TRMT11: variants seen among roughly 807,000 people sequenced by gnomAD.
The protein encoded by TRMT11 is tRNA methyltransferase 11, also known as tRNA (guanine(10)-N(2))-methyltransferase TRMT11.
A neutral mutation model predicts 62.8 loss-of-function variants in TRMT11; 53 were observed. The observed-to-expected ratio is 0.84, with a 90% CI of 0.68 to 1.06. TRMT11 has a LOEUF of 1.06. Ranked by LOEUF, TRMT11 falls within the 50% of genes least tolerant of loss-of-function variation. The pLI is 0.00. For missense variants in TRMT11, 556 were observed against 553.4 expected (o/e 1.00, Z -0.05); for synonymous variants, 188 against 190.3 (o/e 0.99, Z 0.10).
rs1775724040 is a variant in TRMT11, at chr6:126,038,950, A to G, written c.*114A>G. On this transcript the variant is annotated 3_prime_UTR_variant, in exon 13 of 13. Coordinates refer to ENST00000334379, the MANE Select transcript of TRMT11 (RefSeq NM_001031712.3). ...GGTACGGTTTTAAAATATTTTATAT[A>G]GAAAAGCTACAAAGTAAATTGAGCA... The G allele has an allele frequency of 2.3e-6, 2 of 888,140 alleles. No homozygotes were observed. Among genetic ancestry groups the G allele is most frequent in the African/African-American group, 1.7e-5 (1 of 57,712 alleles). 55.0% of individuals were successfully genotyped at this position (888,140 alleles called of 1,614,324 possible). A position where few individuals can be genotyped will look rare whatever the true frequency, so the allele number is the denominator to read the frequency against.
chr6:126,238,413 T>G, the TRMT11 span, among the ~76,000 whole-genome samples: 1 of 152,200 alleles, frequency 6.6e-6, no homozygotes, highest in African/African-American at 2.4e-5. Context: ...ATGTTGTATC[T>G]TTGTTCTCGT....
chr6:126,162,303 A>C (rs1318487035), intron 21 of TRMT11, among the ~76,000 whole-genome samples: 1 of 152,178 alleles, frequency 6.6e-6, no homozygotes, highest in Non-Finnish European at 1.5e-5. Flanking sequence ...TCCCAACACC[A>C]TTTATTAAAC....
At chr6:126,093,012 A>G (rs908554051) in intron 17 of TRMT11, among the ~76,000 whole-genome samples, 23 of 152,288 alleles carry the variant, frequency 1.5e-4, no homozygotes, top group African/African-American at 5.5e-4. Flanking sequence ...AATTTGTGGG[A>G]AAAGGAATGT....
At chr6:126,228,264 G>A in the TRMT11 span, among the ~76,000 whole-genome samples, 1 of 152,220 alleles carries the variant, frequency 6.6e-6, no homozygotes, top group African/African-American at 2.4e-5. Context: ...TGTGATCTGA[G>A]GCTAGGGAGA....
At chr6:126,068,504 C>T (rs1776754699) in intron 17 of TRMT11, among the ~76,000 whole-genome samples, 1 of 152,150 alleles carries the variant, frequency 6.6e-6, no homozygotes, top group South Asian at 2.1e-4. Flanking sequence ...ATCTATGTCC[C>T]ACTGCTTGGC....
At chr6:126,110,194 T>C (rs1037943661) in intron 17 of TRMT11, among the ~76,000 whole-genome samples, 1 of 152,126 alleles carries the variant, frequency 6.6e-6, no homozygotes, top group African/African-American at 2.4e-5. Flanking sequence ...GCATTATTAT[T>C]GGCTTTTTTG....
intron 21 of TRMT11, among the ~76,000 whole-genome samples, chr6:126,151,826 C>CCTTTCTTTCTTTCTTTCTTTCTTTG (rs1778048755): frequency 1.3e-5 from 1 of 76,132 alleles, no homozygotes; most frequent in African/African-American, 6.7e-5. Flanking sequence ...TTCTTTCTTT[C>CCTTTCTTTCTTTCTTTCTTTCTTTG]TTTCTTTCTT....
the TRMT11 span, among the ~76,000 whole-genome samples, chr6:126,230,715 C>T: frequency 6.6e-6 from 1 of 151,946 alleles, no homozygotes; most frequent in Non-Finnish European, 1.5e-5. Context: ...GCGACTTTCA[C>T]CATTAACTAA....
downstream of TRMT11, among the ~76,000 whole-genome samples, chr6:126,207,455 A>G (rs1334358079): frequency 2.0e-5 from 3 of 152,230 alleles, no homozygotes; most frequent in African/African-American, 7.2e-5. Context: ...TCACACCACA[A>G]AGATCTGGGT....
At chr6:126,090,980 G>T (rs780787974) in intron 17 of TRMT11, among the ~76,000 whole-genome samples, 1 of 152,114 alleles carries the variant, frequency 6.6e-6, no homozygotes, top group Non-Finnish European at 1.5e-5. Context: ...GGAGGCAAAG[G>T]CTTGCGGATA....
the TRMT11 span, among the ~76,000 whole-genome samples, chr6:126,222,561 A>C: frequency 6.6e-6 from 1 of 151,568 alleles, no homozygotes; most frequent in Non-Finnish European, 1.5e-5. Context: ...CTGCATTCCT[A>C]GGTATTTTAT....
At chr6:126,239,496 G>T in the TRMT11 span, among the ~76,000 whole-genome samples, 4 of 152,200 alleles carry the variant, frequency 2.6e-5, no homozygotes, top group Admixed American at 2.0e-4. Context: ...TGAAATTCTG[G>T]GTTGAAAATT....
chr6:126,123,998 AT>A (rs1215814784), intron 21 of TRMT11, among the ~76,000 whole-genome samples: 2 of 151,220 alleles, frequency 1.3e-5, no homozygotes, highest in African/African-American at 2.4e-5. Context: ...TAGTTTAAAA[AT>A]TTTTTTTCTG....
intron 21 of TRMT11, among the ~76,000 whole-genome samples, chr6:126,125,811 C>A (rs1483079298): frequency 1.3e-5 from 2 of 152,066 alleles, no homozygotes; most frequent in African/African-American, 2.4e-5. Flanking sequence ...CAGTAACTTA[C>A]CCCTTTTTAA....
intron 12 of TRMT11, among the ~76,000 whole-genome samples, chr6:126,026,375 CT>C (rs1773078818): frequency 6.7e-6 from 1 of 148,984 alleles, no homozygotes; most frequent in South Asian, 2.1e-4. Context: ...GGTAAATATT[CT>C]TTTTATGTTT....
chr6:126,260,412 T>C, the TRMT11 span, among the ~76,000 whole-genome samples: 2 of 152,348 alleles, frequency 1.3e-5, no homozygotes, highest in East Asian at 3.9e-4. Flanking sequence ...GTTGTTGTCG[T>C]TGACCACTTT....
chr6:126,260,120 G>A, the TRMT11 span, among the ~76,000 whole-genome samples: 4 of 152,070 alleles, frequency 2.6e-5, no homozygotes, highest in Non-Finnish European at 5.9e-5. Flanking sequence ...TTTTATTGTT[G>A]TTTAATAGAT....
chr6:126,223,544 T>C, the TRMT11 span, among the ~76,000 whole-genome samples: 2 of 152,234 alleles, frequency 1.3e-5, no homozygotes, highest in African/African-American at 4.8e-5. Context: ...AGCCTGATGG[T>C]GTTCCCTTTG....
At chr6:126,174,248 G>A (rs1053287155), upstream of TRMT11, among the ~76,000 whole-genome samples, 1 of 152,158 alleles carries the variant, frequency 6.6e-6, no homozygotes, top group Non-Finnish European at 1.5e-5. Flanking sequence ...AAACCCAGAA[G>A]ACTCCAAACC....
Sources: allele counts gnomAD v4.1 joint callset (sites outside exome capture counted in the v4.1 genomes callset), GRCh38; gene constraint gnomAD v4.1.1; transcripts MANE v1.5; gene names NCBI Gene and HGNC (gene_info 2026-07-23, HGNC 2026-07-21).